The following RAB17 variants were observed in gnomAD, a reference collection of about 807,000 sequenced individuals.
RAB17 encodes the protein ras-related protein Rab-17.
RAB17 carries 15 observed loss-of-function variants against 19.3 expected under a neutral mutation model. That is an observed-to-expected ratio of 0.78 (90% CI 0.52 to 1.20). The LOEUF is 1.20. RAB17 is among the 50% of genes most tolerant of loss of function. RAB17 has a pLI of 0.00. For synonymous variants in RAB17, 110 were observed against 112.8 expected, an observed-to-expected ratio of 0.97 and a Z score of 0.16; for missense variants, 262 against 269.3, an observed-to-expected ratio of 0.97 and a Z score of 0.19.
intron 3 of RAB17, 78 bp downstream of exon 3, chr2:237,577,926 A>G: frequency 6.8e-7 from 1 of 1,472,026 alleles, no homozygotes; most frequent in South Asian, 1.3e-5. Flanking sequence ...TGATTACGCC[A>G]TGGCATCATT....
intron 4 of RAB17, 104 bp from the exon 5 acceptor site, chr2:237,575,584 G>T: frequency 1.2e-6 from 1 of 811,808 alleles, no homozygotes; most frequent in Non-Finnish European, 2.0e-6. Flanking sequence ...CAGCCGTGGA[G>T]CCCGCACTCC....
chr2:237,577,443 G>C, intron 3 of RAB17, 61 bp from the exon 4 acceptor site: 2 of 1,527,666 alleles, frequency 1.3e-6, no homozygotes, highest in Admixed American at 1.9e-5. Flanking sequence ...TAGCTATTCC[G>C]GGAGGGGGAA....
chr2:237,581,361 G>A (rs561458136), intron 2 of RAB17, among the ~76,000 whole-genome samples: 3 of 148,018 alleles, frequency 2.0e-5, no homozygotes, highest in African/African-American at 7.5e-5. Context: ...GCAACAGAAT[G>A]AGACGCCATC....
At position 237,574,795 on chromosome 2, in the gene RAB17, A is replaced by T. The variant is rs2081247790; in HGVS notation, c.*224T>A. The T allele has an allele frequency of 2.0e-6, 2 of 986,578 alleles. No homozygotes were observed. Among genetic ancestry groups the T allele is most frequent in the South Asian group, 3.9e-5 (2 of 51,170 alleles). The allele number at this position is 986,578 out of a possible 1,614,324, so 61.1% of individuals were successfully genotyped here. ...AGGCATCGGGGAATCAGATGGTATCAGTGGGGATAGGGCACAGCACTTTCC... is the reference window on the plus strand; with the variant it reads ...AGGCATCGGGGAATCAGATGGTATCTGTGGGGATAGGGCACAGCACTTTCC... On this transcript the variant is annotated 3_prime_UTR_variant, in exon 6 of 6. Transcript: ENST00000264601.
intron 3 of RAB17, 81 bp downstream of exon 3, chr2:237,577,923 G>A (rs964428085): frequency 3.2e-5 from 46 of 1,451,122 alleles, no homozygotes; most frequent in South Asian, 4.0e-5. Context: ...TTGTGATTAC[G>A]CCATGGCATC....
intron 1 of RAB17, among the ~76,000 whole-genome samples, chr2:237,586,563 G>T (rs1032066620): frequency 1.3e-4 from 20 of 152,070 alleles, no homozygotes; most frequent in Non-Finnish European, 2.4e-4. Flanking sequence ...CATTTCTTGG[G>T]TGGTTGTTCA....
intron 1 of RAB17, among the ~76,000 whole-genome samples, chr2:237,590,120 A>C (rs1226101359): frequency 6.6e-6 from 1 of 152,148 alleles, no homozygotes; most frequent in African/African-American, 2.4e-5. Flanking sequence ...TGTCATTTGA[A>C]ATGGATTTCT....
intron 4 of RAB17, among the ~76,000 whole-genome samples, chr2:237,577,055 T>C (rs1374835011): frequency 6.6e-6 from 1 of 152,078 alleles, no homozygotes; most frequent in Non-Finnish European, 1.5e-5. Flanking sequence ...CTTGTAAATG[T>C]GTGTGGGTGC....
rs745550540 is a variant in RAB17 at position 237,575,024 on chromosome 2, G to T, written c.634C>A (p.His212Asn). ...GPARQAKCCA[H>N] ...GCCCCCAGGAGTGGCTGCACCTAGT[G>T]GGCGCAGCATTTGGCCTGCCTCGCG... Residue 212 changes from histidine (H) to asparagine (N), a missense_variant, in exon 6 of 6, where the codon CAC becomes AAC. By Grantham distance (68) the His-to-Asn change is moderately conservative. Transcript: ENST00000264601. 3.1e-6 allele frequency: 5 copies of T among 1,607,920 alleles called. No homozygotes were observed. The African/African-American group carries it at 6.7e-5, about 22-fold the overall frequency.
In RAB17 at chr2:237,574,706, C is replaced by T. The variant is rs1237282596; in HGVS notation, c.*313G>A. On this transcript the variant is annotated 3_prime_UTR_variant, in exon 6 of 6. Transcript: ENST00000264601. ...CTGTGCTGCGGGGACTTTTCCAATC[C>T]TTCCTTCCTCTCTGTCCAGAGGCTG... 3.5e-6 allele frequency: 5 copies of T among 1,422,638 alleles called. No homozygotes were observed. The African/African-American group carries it at 7.2e-5, about 21-fold the overall frequency. The allele number at this position is 1,422,638 out of a possible 1,614,324, so 88.1% of individuals were successfully genotyped here.
At chr2:237,584,109 G>C (rs77749296) in intron 2 of RAB17, among the ~76,000 whole-genome samples, 2 of 151,836 alleles carry the variant, frequency 1.3e-5, no homozygotes. Flanking sequence ...CCTCATTGTC[G>C]GGGCCTCCAT....
chr2:237,583,680 C>T (rs1264022707), intron 2 of RAB17, among the ~76,000 whole-genome samples: 4 of 152,222 alleles, frequency 2.6e-5, no homozygotes, highest in Non-Finnish European at 4.4e-5. Flanking sequence ...CAGCCTCCCA[C>T]CCCGGCCCCA....
intron 4 of RAB17, 78 bp downstream of exon 4, chr2:237,577,179 G>C: frequency 6.6e-7 from 1 of 1,521,806 alleles, no homozygotes; most frequent in East Asian, 2.3e-5. Context: ...ATGAAAGTGT[G>C]AGTGCCAAGG....
chr2:237,578,270 T>A, intron 2 of RAB17, 115 bp from the exon 3 acceptor site: 3 of 1,052,076 alleles, frequency 2.9e-6, no homozygotes, highest in Middle Eastern at 2.2e-4. Flanking sequence ...CAGCTGGCCA[T>A]GCATCTCCCA....
rs778306697 is a variant in RAB17, at chr2:237,575,041, TGCCTC to T, written c.612_616del (p.Arg205GlyfsTer28). On this transcript the variant is annotated frameshift_variant, in exon 6 of 6. Transcript: ENST00000264601. LOFTEE classifies it high-confidence loss of function. ...CACCTAGTGGGCGCAGCATTTGGCC[TGCCTC>T]GCGGGCCCCTTGTTCAGAGCCACAG... 4 of 1,612,936 alleles carry T rather than the reference TGCCTC, an allele frequency of 2.5e-6. No individual in the cohort carries two copies. The African/African-American group carries it at 4.0e-5, about 16-fold the overall frequency.
chr2:237,581,502 G>A (rs773889665), intron 2 of RAB17, among the ~76,000 whole-genome samples: 1 of 151,834 alleles, frequency 6.6e-6, no homozygotes, highest in African/African-American at 2.4e-5. Context: ...CAATCTGCCC[G>A]CCTCGGCCTC....
At chr2:237,586,304 G>A in intron 1 of RAB17, 147 bp from the exon 2 acceptor site, 2 of 705,660 alleles carry the variant, frequency 2.8e-6, no homozygotes, top group Non-Finnish European at 4.4e-6. Flanking sequence ...CCACACTCCT[G>A]CTTCCCTCTG....
chr2:237,577,889 G>T, intron 3 of RAB17, 115 bp downstream of exon 3: 1 of 1,209,484 alleles, frequency 8.3e-7, no homozygotes, highest in Non-Finnish European at 1.2e-6. Flanking sequence ...GGTGACTGTT[G>T]CTCACTAATG....
chr2:237,575,234 G>A, intron 5 of RAB17, 106 bp from the exon 6 acceptor site: 1 of 1,076,314 alleles, frequency 9.3e-7, no homozygotes, highest in African/African-American at 1.6e-5. Flanking sequence ...TGTTTACCCT[G>A]AACCATAGAA....
Sources: gnomAD v4.1 joint callset for allele counts (sites outside exome capture counted in the v4.1 genomes callset) on GRCh38, gnomAD v4.1.1 for gene constraint, MANE v1.5 for transcripts, NCBI Gene and HGNC (gene_info 2026-07-23, HGNC 2026-07-21) for gene names.